TPX2: variants seen among roughly 807,000 people sequenced by gnomAD.
TPX2 encodes targeting protein for Xklp2.
In TPX2, 21 loss-of-function variants were observed where a neutral mutation model predicts 93.6. That is an observed-to-expected ratio of 0.22 (90% CI 0.16 to 0.32). The LOEUF (loss-of-function observed/expected upper bound fraction) is 0.32, where lower values mean the gene tolerates loss of function less well. Ranked by LOEUF, TPX2 falls within the 10% of genes least tolerant of loss-of-function variation. The pLI is 1.00. For synonymous variants in TPX2, 281 were observed against 298.3 expected, an observed-to-expected ratio of 0.94 and a Z score of 0.60; for missense variants, 776 against 871.1, an observed-to-expected ratio of 0.89 and a Z score of 1.37.
At chr20:31,783,681 G>T (rs1270312913) in intron 11 of TPX2, 24 bp from the exon 12 acceptor site, 5 of 1,574,872 alleles carry the variant, frequency 3.2e-6, no homozygotes, top group East Asian at 4.5e-5. Context: ...TTTTTTTGTG[G>T]TTATTTAAAT....
chr20:31,786,402 T>TTTTTTTTTTTTTG (rs1555787861), intron 12 of TPX2, among the ~76,000 whole-genome samples: 3,072 of 111,082 alleles, frequency 0.028, 108 homozygotes, highest in African/African-American at 0.13. Context: ...GAACTACTGT[T>TTTTTTTTTTTTTG]TTTTTTTTTT....
Position 31,800,992 on chromosome 20 carries a change from G to T in TPX2, c.2156G>T (p.Arg719Leu). 6.2e-7 allele frequency: 1 copy of T among 1,614,104 alleles called. No homozygotes were observed. The highest frequency in any genetic ancestry group is 8.5e-7 in the Non-Finnish European group (1 of 1,179,998). Residue 719 changes from arginine (R) to leucine (L), a missense_variant, in exon 18 of 18, where the codon CGC (arginine) becomes CTC (leucine). Arg to Leu is a moderately radical substitution (Grantham distance 102). This residue lies in a region of TPX2 where 461 missense variants were observed against 551.2 expected (regional missense o/e 0.84). Transcript: ENST00000300403. Reference sequence around the variant, plus strand: ...CAGGTGCATAAGGCAAATCCAATACGCAAGTACCAGGGTCTGGAGATAAAG... The same window carrying T: ...CAGGTGCATAAGGCAAATCCAATACTCAAGTACCAGGGTCTGGAGATAAAG... ...RELVHKANPI[R>L]KYQGLEIKSS...
chr20:31,779,304 A>G (rs113038945), intron 10 of TPX2, among the ~76,000 whole-genome samples: 1,945 of 152,314 alleles, frequency 0.013, 34 homozygotes, highest in African/African-American at 0.045. Flanking sequence ...TTAGTTACCT[A>G]TAGAAAATGA....
chr20:31,741,105 T>C (rs2061750616), intron 1 of TPX2, among the ~76,000 whole-genome samples: 1 of 152,200 alleles, frequency 6.6e-6, no homozygotes, highest in Admixed American at 6.5e-5. Flanking sequence ...TCATTTCATT[T>C]CTTTAGTTAC....
chr20:31,781,873 G>A (rs2062035723), intron 10 of TPX2, among the ~76,000 whole-genome samples: 1 of 151,966 alleles, frequency 6.6e-6, no homozygotes, highest in African/African-American at 2.4e-5. Flanking sequence ...AGTCCAGGGA[G>A]GTTGGATTTG....
intron 2 of TPX2, among the ~76,000 whole-genome samples, chr20:31,753,909 C>T (rs527879159): frequency 1.3e-5 from 2 of 151,890 alleles, no homozygotes; most frequent in Non-Finnish European, 2.9e-5. Flanking sequence ...GCTTGTAACC[C>T]CAGCTACTTG....
At position 31,783,272 on chromosome 20, in the gene TPX2, A is replaced by G. The variant is rs185341536; in HGVS notation, c.1197-433A>G. On this transcript the variant is annotated intron_variant, in intron 11 of 17. Transcript: ENST00000300403. ...TTTTTATTTATTTATTTTTTTTGAG[A>G]TGGAGTTTCGCTCTTGTTGCTCAGG... is the stretch of plus-strand genomic sequence containing the variant. 4.0e-5 allele frequency among the ~76,000 whole-genome samples: 6 copies of G among 151,390 alleles called. No homozygotes were observed. In the East Asian group the frequency reaches 9.7e-4, roughly 24 times the overall value.
chr20:31,769,024 T>A (rs2123019658), intron 5 of TPX2, among the ~76,000 whole-genome samples: 1 of 152,338 alleles, frequency 6.6e-6, no homozygotes, highest in South Asian at 2.1e-4. Flanking sequence ...GCTGTGTGAA[T>A]TGTCGTGGTT....
chr20:31,751,550 T>G (rs1405732517), intron 2 of TPX2, among the ~76,000 whole-genome samples: 1 of 152,192 alleles, frequency 6.6e-6, no homozygotes, highest in African/African-American at 2.4e-5. Context: ...GATAATACCT[T>G]ACAATAGTGT....
intron 12 of TPX2, among the ~76,000 whole-genome samples, chr20:31,785,187 G>A (rs1418404637): frequency 3.3e-5 from 5 of 152,098 alleles, no homozygotes; most frequent in Admixed American, 1.3e-4. Context: ...TTCTGTTCAC[G>A]ATGCTTTTTT....
chr20:31,771,455 C>T (rs2123027188), intron 6 of TPX2, 105 bp from the exon 7 acceptor site: 7 of 1,408,014 alleles, frequency 5.0e-6, no homozygotes, highest in South Asian at 1.5e-5. Context: ...GCTTGTTATC[C>T]TATAGAATGA....
At chr20:31,769,351 C>T (rs1323164987) in intron 5 of TPX2, among the ~76,000 whole-genome samples, 1 of 145,070 alleles carries the variant, frequency 6.9e-6, no homozygotes, top group African/African-American at 2.6e-5. Flanking sequence ...CGGAGTCTCG[C>T]TCTGTTGCCT....
chr20:31,799,501 C>G (rs2062157192), intron 17 of TPX2, among the ~76,000 whole-genome samples: 1 of 152,126 alleles, frequency 6.6e-6, no homozygotes, highest in Non-Finnish European at 1.5e-5. Context: ...TAGCATCTTG[C>G]TAATTAACAA....
intron 7 of TPX2, among the ~76,000 whole-genome samples, chr20:31,775,656 A>G (rs900424462): frequency 6.6e-6 from 1 of 152,104 alleles, no homozygotes; most frequent in Non-Finnish European, 1.5e-5. Flanking sequence ...GATTATAGAC[A>G]TGAGCCACCA....
At chr20:31,740,929 A>G (rs1193606434) in intron 1 of TPX2, among the ~76,000 whole-genome samples, 1 of 152,202 alleles carries the variant, frequency 6.6e-6, no homozygotes, top group Non-Finnish European at 1.5e-5. Flanking sequence ...AATTGCGGGT[A>G]TGAAAAACTG....
At chr20:31,782,963 C>T (rs1008363935) in intron 11 of TPX2, among the ~76,000 whole-genome samples, 1 of 151,438 alleles carries the variant, frequency 6.6e-6, no homozygotes, top group Non-Finnish European at 1.5e-5. Context: ...AGTAGAAGAA[C>T]TTACTTAGGA....
At chr20:31,766,004 C>T (rs2061922583) in intron 4 of TPX2, among the ~76,000 whole-genome samples, 1 of 152,176 alleles carries the variant, frequency 6.6e-6, no homozygotes, top group South Asian at 2.1e-4. Flanking sequence ...AGTGCATCCT[C>T]AGGAAACTTT....
intron 3 of TPX2, among the ~76,000 whole-genome samples, chr20:31,758,210 C>T (rs1197042682): frequency 6.6e-6 from 1 of 151,496 alleles, no homozygotes; most frequent in African/African-American, 2.4e-5. Context: ...GTAACCTCCG[C>T]CACTCTTGTT....
intron 17 of TPX2, among the ~76,000 whole-genome samples, 182 bp from the exon 18 acceptor site, chr20:31,800,788 C>T (rs1227786006): frequency 2.6e-5 from 4 of 152,190 alleles, no homozygotes; most frequent in Non-Finnish European, 4.4e-5. Context: ...TTTTGGGCTC[C>T]AAAGCACATA....
Sources: allele counts gnomAD v4.1 joint callset (sites outside exome capture counted in the v4.1 genomes callset), GRCh38; gene constraint gnomAD v4.1.1; regional missense constraint gnomAD v4.1.1; transcripts MANE v1.5; gene names NCBI Gene and HGNC (gene_info 2026-07-23, HGNC 2026-07-21).